Variants in IQCB1 observed in about 807,000 individuals in gnomAD.
IQCB1 encodes the protein IQ motif containing B1.
In IQCB1, 56 loss-of-function variants were observed where a neutral mutation model predicts 84.4. That is an observed-to-expected ratio of 0.66 (90% confidence interval 0.54 to 0.83). IQCB1 has a LOEUF of 0.83. IQCB1 is among the 40% of genes least tolerant of loss of function. The probability of loss-of-function intolerance (pLI) is 0.00; values close to 1 mark genes in which losing one functional copy is unlikely to be tolerated. For missense variants in IQCB1, 629 were observed against 682.1 expected, an observed-to-expected ratio of 0.92 and a Z score of 0.87; for synonymous variants, 210 against 234.8, an observed-to-expected ratio of 0.89 and a Z score of 0.96.
chr3:121,825,019 G>T (rs1439447959), intron 5 of IQCB1, among the ~76,000 whole-genome samples: 1 of 150,290 alleles, frequency 6.7e-6, no homozygotes, highest in African/African-American at 2.4e-5. Flanking sequence ...ACGAGTTTCA[G>T]TTAAGATGGA....
chr3:121,786,748 A>G (rs1434107919), intron 12 of IQCB1, among the ~76,000 whole-genome samples: 3 of 152,180 alleles, frequency 2.0e-5, no homozygotes, highest in Non-Finnish European at 4.4e-5. Context: ...GCCTTCAGAT[A>G]TGTTCCTATG....
rs533822696 is a variant in IQCB1 at position 121,796,772 on chromosome 3, T to A, written c.876+346A>T. ...GATGAATGAAACTGATGTGGCAGTA[T>A]TTATAAACAGATGTAAATGGGAGAT... On this transcript the variant is annotated intron_variant, in intron 9 of 14. Transcript: ENST00000310864. 2.0e-3 allele frequency among the ~76,000 whole-genome samples: 301 copies of A among 152,262 alleles called. 3 individuals are homozygous for A. The highest frequency in any genetic ancestry group is 7.0e-3 in the African/African-American group (291 of 41,558).
At chr3:121,824,840 T>C (rs1950406537) in intron 5 of IQCB1, among the ~76,000 whole-genome samples, 1 of 152,036 alleles carries the variant, frequency 6.6e-6, no homozygotes, top group Non-Finnish European at 1.5e-5. Context: ...AAAGAGAATT[T>C]AGAAGACTTC....
rs760745814 is a variant in IQCB1 at position 121,770,464 on chromosome 3, T to C, written c.1678A>G (p.Ile560Val). The stretch of plus-strand genomic sequence containing the variant: ...AGCTTCTTCCACCAGGGTGCTTGTA[T>C]GTGCTTCAGGGTTGTGAGATGGGCC... ...KQAHLTTLKH[I>V]QAPWWKKLGE... Residue 560 changes from isoleucine (I) to valine (V), a missense_variant, in exon 15 of 15, where the codon ATA (isoleucine) becomes GTA (valine). Coordinates refer to ENST00000310864, the MANE Select transcript of IQCB1 (RefSeq NM_001023570.4). The C allele has an allele frequency of 2.5e-6, 4 of 1,614,250 alleles. No individual in the cohort carries two copies. Among genetic ancestry groups the C allele is most frequent in the Admixed American group, 3.3e-5 (2 of 60,032 alleles).
rs772155929 is a variant in IQCB1 at position 121,808,959 on chromosome 3, A to G, written c.444T>C (p.Ser148=). The part of the protein sequence containing the change: ...LLHFFQIVTD[S]LFWLLGGHVE... Reference sequence around the variant, plus strand: ...CATGGCCTCCCAAAAGCCAGAAGAGAGAATCAGTCACAATTTGGAAAAAGT... The same window carrying G: ...CATGGCCTCCCAAAAGCCAGAAGAGGGAATCAGTCACAATTTGGAAAAAGT... Residue 148 remains serine (S), a synonymous_variant, in exon 6 of 15, where the codon TCT becomes TCC. Transcript: ENST00000310864. 6.2e-7 allele frequency: 1 copy of G among 1,611,440 alleles called. No homozygotes were observed. The highest frequency in any genetic ancestry group is 1.1e-5 in the South Asian group (1 of 91,006).
At chr3:121,819,027 G>A (rs927971757) in intron 5 of IQCB1, among the ~76,000 whole-genome samples, 4 of 152,084 alleles carry the variant, frequency 2.6e-5, no homozygotes, top group East Asian at 1.9e-4. Flanking sequence ...ACCAGGGACC[G>A]GTTTCATGGA....
At position 121,781,797 on chromosome 3, in the gene IQCB1, A is replaced by C. The variant is rs764717043; in HGVS notation, c.1356T>G (p.Asp452Glu). Residue 452 changes from aspartate (D) to glutamate (E), a missense_variant, in exon 13 of 15, where the codon GAT (aspartate) becomes GAG (glutamate). Coordinates refer to ENST00000310864, the MANE Select transcript of IQCB1 (RefSeq NM_001023570.4). ...APWRGLQELT[D>E]ARRVELKKRV... ...GTTTCTTCAGTTCAACTCGGCGTGC[A>C]TCAGTGAGTTCTTGGAGTCCTCGCC... The C allele has an allele frequency of 2.5e-6, 4 of 1,613,930 alleles. No homozygotes were observed. The highest frequency in any genetic ancestry group is 3.4e-6 in the Non-Finnish European group (4 of 1,179,876).
chr3:121,829,117 C>T (rs1239505360), intron 2 of IQCB1, 145 bp from the exon 3 acceptor site: 1 of 639,328 alleles, frequency 1.6e-6, no homozygotes, highest in Non-Finnish European at 2.8e-6. Flanking sequence ...TTTTTCATTT[C>T]TTCCTTATAG....
intron 5 of IQCB1, among the ~76,000 whole-genome samples, chr3:121,820,882 C>G (rs1338994865): frequency 2.0e-5 from 3 of 151,514 alleles, no homozygotes; most frequent in Non-Finnish European, 4.4e-5. Context: ...TTAAAATGGT[C>G]TCTTCTTCCG....
At chr3:121,807,601 C>G (rs1156806368) in intron 6 of IQCB1, among the ~76,000 whole-genome samples, 158 bp from the exon 7 acceptor site, 2 of 151,894 alleles carry the variant, frequency 1.3e-5, no homozygotes, top group African/African-American at 4.8e-5. Flanking sequence ...ATGTAAAATT[C>G]ATGGCAATTT....
chr3:121,804,879 T>C (rs572694448), intron 7 of IQCB1, among the ~76,000 whole-genome samples: 1 of 152,328 alleles, frequency 6.6e-6, no homozygotes, highest in South Asian at 2.1e-4. Flanking sequence ...CACAGTTCAC[T>C]GATATGCTTT....
intron 4 of IQCB1, 79 bp from the exon 5 acceptor site, chr3:121,826,259 GAGAATTTTT>G: frequency 7.1e-7 from 1 of 1,414,970 alleles, no homozygotes; most frequent in Non-Finnish European, 9.9e-7. Flanking sequence ...GTGCCTTATT[GAGAATTTTT>G]AGTATGCTTC....
chr3:121,786,170 C>CAAGAAAAAAAGAAAAGAAAAGAAAG, intron 12 of IQCB1, among the ~76,000 whole-genome samples: 1 of 72,848 alleles, frequency 1.4e-5, no homozygotes, highest in East Asian at 2.8e-4. Flanking sequence ...GATTCTGTCT[C>CAAGAAAAAAAGAAAAGAAAAGAAAG]AAAAGAAAAG....
intron 5 of IQCB1, among the ~76,000 whole-genome samples, chr3:121,820,915 T>C (rs1950249404): frequency 7.8e-6 from 1 of 127,762 alleles, no homozygotes. Flanking sequence ...TACTCTTATG[T>C]CTCCTCAAAA....
At chr3:121,825,925 T>A in intron 5 of IQCB1, 126 bp downstream of exon 5, 3 of 945,032 alleles carry the variant, frequency 3.2e-6, no homozygotes, top group Non-Finnish European at 4.8e-6. Context: ...AGGTTGTAAC[T>A]TTGAAAATGT....
At chr3:121,794,430 G>C (rs1431636362) in intron 10 of IQCB1, among the ~76,000 whole-genome samples, 5 of 152,020 alleles carry the variant, frequency 3.3e-5, no homozygotes, top group African/African-American at 1.2e-4. Context: ...GAGAGAGGTG[G>C]GGGATTGTCC....
At chr3:121,800,144 C>T (rs1349829446) in intron 7 of IQCB1, among the ~76,000 whole-genome samples, 4 of 151,894 alleles carry the variant, frequency 2.6e-5, no homozygotes, top group African/African-American at 9.7e-5. Flanking sequence ...AAAGGTAATT[C>T]TAGAAGCTAC....
At chr3:121,778,831 G>C (rs373758822) in intron 13 of IQCB1, among the ~76,000 whole-genome samples, 5 of 151,456 alleles carry the variant, frequency 3.3e-5, no homozygotes, top group African/African-American at 7.3e-5. Flanking sequence ...ACTTGAACCC[G>C]GGAGGCGGCA....
intron 2 of IQCB1, among the ~76,000 whole-genome samples, chr3:121,831,658 G>C: frequency 6.6e-6 from 1 of 152,270 alleles, no homozygotes; most frequent in South Asian, 2.1e-4. Context: ...GCTGGTGTCC[G>C]CTGCAGAATT....
Sources: allele counts gnomAD v4.1 joint callset (sites outside exome capture counted in the v4.1 genomes callset), GRCh38; gene constraint gnomAD v4.1.1; transcripts MANE v1.5; gene names NCBI Gene and HGNC (gene_info 2026-07-23, HGNC 2026-07-21).